ADAMTS12: variants seen among roughly 807,000 people sequenced by gnomAD.
ADAMTS12 encodes ADAM metallopeptidase with thrombospondin type 1 motif 12.
Under a neutral mutation model 167.8 loss-of-function variants are expected in ADAMTS12, and 118 were observed. The observed-to-expected ratio is 0.70, with a 90% CI of 0.61 to 0.82. The LOEUF is 0.82. ADAMTS12 is among the 40% of genes least tolerant of loss of function. The probability of loss-of-function intolerance (pLI) is 0.00; values close to 1 mark genes in which losing one functional copy is unlikely to be tolerated. For synonymous variants in ADAMTS12, 704 were observed against 716.9 expected (o/e 0.98, Z 0.29); for missense variants, 1,916 against 1,998.8 (o/e 0.96, Z 0.79).
intron 2 of ADAMTS12, among the ~76,000 whole-genome samples, chr5:33,781,505 T>A (rs191957727): frequency 6.6e-6 from 1 of 152,178 alleles, no homozygotes; most frequent in Non-Finnish European, 1.5e-5. Flanking sequence ...CTAAGTGACA[T>A]GACTCACATT....
intron 2 of ADAMTS12, among the ~76,000 whole-genome samples, chr5:33,816,562 A>G (rs1041312967): frequency 1.3e-5 from 2 of 152,164 alleles, no homozygotes; most frequent in African/African-American, 4.8e-5. Context: ...TATAACCTCT[A>G]TTGATTCCAT....
intron 13 of ADAMTS12, among the ~76,000 whole-genome samples, chr5:33,627,700 G>C (rs962745542): frequency 6.6e-6 from 1 of 152,168 alleles, no homozygotes; most frequent in Non-Finnish European, 1.5e-5. Context: ...GAAATGTTAA[G>C]ATTGGAGTAA....
chr5:33,802,875 C>G (rs1900177), intron 2 of ADAMTS12, among the ~76,000 whole-genome samples: 24,259 of 152,054 alleles, frequency 0.16, 2,504 homozygotes, highest in East Asian at 0.35. Context: ...GACCTATTTG[C>G]GGCAAAAGTC....
intron 12 of ADAMTS12, among the ~76,000 whole-genome samples, chr5:33,634,417 C>G (rs1740098758): frequency 6.6e-6 from 1 of 152,124 alleles, no homozygotes; most frequent in Non-Finnish European, 1.5e-5. Context: ...GAGAAGGGAT[C>G]TGTGGTGTGC....
chr5:33,645,629 G>T (rs1459701858), intron 9 of ADAMTS12, among the ~76,000 whole-genome samples: 2 of 152,022 alleles, frequency 1.3e-5, no homozygotes, highest in Non-Finnish European at 2.9e-5. Context: ...TGAGCATTTA[G>T]AAAGGATGAT....
At chr5:33,765,980 G>GTAAA (rs1393078288) in intron 2 of ADAMTS12, among the ~76,000 whole-genome samples, 7 of 152,240 alleles carry the variant, frequency 4.6e-5, no homozygotes, top group African/African-American at 1.7e-4. Context: ...TTACAATCAG[G>GTAAA]TAAATCTTCG....
intron 19 of ADAMTS12, among the ~76,000 whole-genome samples, chr5:33,572,138 G>T (rs1746387832): frequency 1.3e-5 from 2 of 152,160 alleles, no homozygotes; most frequent in Non-Finnish European, 2.9e-5. Flanking sequence ...TCCAGGACCA[G>T]ATGGATTCAC....
intron 2 of ADAMTS12, among the ~76,000 whole-genome samples, chr5:33,845,439 T>C (rs760017077): frequency 2.6e-5 from 4 of 152,182 alleles, no homozygotes; most frequent in Non-Finnish European, 5.9e-5. Flanking sequence ...ACTGAGATAA[T>C]TGAATATCAT....
chr5:33,712,376 G>T (rs1266062050), intron 3 of ADAMTS12, among the ~76,000 whole-genome samples: 3 of 152,114 alleles, frequency 2.0e-5, no homozygotes, highest in Non-Finnish European at 4.4e-5. Flanking sequence ...CTCTTTCGAG[G>T]TGGGTTTCAA....
intron 22 of ADAMTS12, among the ~76,000 whole-genome samples, chr5:33,543,559 A>C (rs1406390762): frequency 6.6e-6 from 1 of 152,158 alleles, no homozygotes; most frequent in Non-Finnish European, 1.5e-5. Flanking sequence ...AGACACAACA[A>C]AAAAAGAATT....
At chr5:33,748,598 C>A (rs1378816467) in intron 3 of ADAMTS12, among the ~76,000 whole-genome samples, 2 of 152,272 alleles carry the variant, frequency 1.3e-5, no homozygotes, top group Admixed American at 1.3e-4. Flanking sequence ...TCCTTTCTCT[C>A]TTGAAGCACT....
chr5:33,700,001 T>TA (rs1742944313), intron 3 of ADAMTS12, among the ~76,000 whole-genome samples: 1 of 152,150 alleles, frequency 6.6e-6, no homozygotes, highest in Admixed American at 6.5e-5. Flanking sequence ...GAGATATTGC[T>TA]ATATATCTAT....
intron 16 of ADAMTS12, among the ~76,000 whole-genome samples, chr5:33,613,958 T>C (rs551851803): frequency 6.1e-4 from 93 of 152,362 alleles, no homozygotes; most frequent in Non-Finnish European, 1.1e-3. Context: ...TTAATGCTTT[T>C]TGTTTGACAC....
intron 2 of ADAMTS12, among the ~76,000 whole-genome samples, chr5:33,838,110 T>G (rs936707144): frequency 6.6e-6 from 1 of 152,194 alleles, no homozygotes; most frequent in Non-Finnish European, 1.5e-5. Context: ...CCCCTGTGCC[T>G]CATGTGGACT....
chr5:33,831,975 G>A (rs1314772710), intron 2 of ADAMTS12, among the ~76,000 whole-genome samples: 1 of 152,166 alleles, frequency 6.6e-6, no homozygotes, highest in Admixed American at 6.5e-5. Context: ...TAGGAGACAG[G>A]ATTCACAGGG....
intron 23 of ADAMTS12, among the ~76,000 whole-genome samples, chr5:33,530,051 T>C (rs39789): frequency 6.6e-6 from 1 of 151,740 alleles, no homozygotes; most frequent in African/African-American, 2.4e-5. Flanking sequence ...TCCTGAGTAG[T>C]TGGGCCTACA....
chr5:33,741,081 ACTGAGGTGTGTGTGTGCAGTTTCCTGCT>A (rs1744559380), intron 3 of ADAMTS12, among the ~76,000 whole-genome samples: 1 of 152,124 alleles, frequency 6.6e-6, no homozygotes, highest in Non-Finnish European at 1.5e-5. Flanking sequence ...AAAAAACCTC[ACTGAGGTGTGTGTGTGCAGTTTCCTGCT>A]GCACACACAG....
In ADAMTS12 at chr5:33,576,132, A is replaced by T. The variant is rs1220638363; in HGVS notation, c.3894T>A (p.Phe1298Leu). 6.2e-7 allele frequency: 1 copy of T among 1,614,164 alleles called. No homozygotes were observed. Among genetic ancestry groups the T allele is most frequent in the South Asian group, 1.1e-5 (1 of 91,078 alleles). The change falls in exon 19 of 24, where the codon TTT (phenylalanine) becomes TTA (leucine). Residue 1298 changes from phenylalanine (F) to leucine (L), a missense_variant. By Grantham distance (22) the Phe-to-Leu change is conservative. Transcript: ENST00000504830. ...EDATSLITEG[F>L]LLNASNYKQL... ...GCTTGTAATTGGAGGCATTTAGCAAAAAGCCCTCAGTAATCAGACTTGTTG... is the reference window on the plus strand; with the variant it reads ...GCTTGTAATTGGAGGCATTTAGCAATAAGCCCTCAGTAATCAGACTTGTTG...
intron 1 of ADAMTS12, among the ~76,000 whole-genome samples, chr5:33,884,171 C>T (rs1750559314): frequency 6.6e-6 from 1 of 152,188 alleles, no homozygotes; most frequent in South Asian, 2.1e-4. Flanking sequence ...ACCTCTGCTC[C>T]CTTCAGGTCC....
Sources: allele counts gnomAD v4.1 joint callset (sites outside exome capture counted in the v4.1 genomes callset), GRCh38; gene constraint gnomAD v4.1.1; transcripts MANE v1.5; gene names NCBI Gene and HGNC (gene_info 2026-07-23, HGNC 2026-07-21).